The following ASPRV1 variants were observed in gnomAD, a reference collection of about 807,000 sequenced individuals.
ASPRV1 encodes retroviral-like aspartic protease 1.
In ASPRV1, 7 loss-of-function variants were observed where a neutral mutation model predicts 11.0. The observed-to-expected ratio is 0.64, with a 90% CI of 0.36 to 1.20. The LOEUF is 1.20. ASPRV1 is among the 50% of genes most tolerant of loss of function. The pLI, the probability that ASPRV1 is intolerant of heterozygous loss-of-function variation, is 0.02. For synonymous variants in ASPRV1, 136 were observed against 138.4 expected (o/e 0.98, Z 0.12); for missense variants, 299 against 320.0 (o/e 0.93, Z 0.50).
the ASPRV1 span, among the ~76,000 whole-genome samples, chr2:70,078,836 G>T: frequency 1.3e-5 from 2 of 152,172 alleles, no homozygotes; most frequent in African/African-American, 2.4e-5. Context: ...ATACTTAAAA[G>T]GATTATTCTG....
chr2:69,951,594 T>C, the ASPRV1 span, among the ~76,000 whole-genome samples: 1 of 150,652 alleles, frequency 6.6e-6, no homozygotes, highest in Admixed American at 6.6e-5. Context: ...TATAGATAGA[T>C]AGATATGATA....
At chr2:69,935,317 ACT>A in the ASPRV1 span, 2 of 1,519,626 alleles carry the variant, frequency 1.3e-6, no homozygotes, top group Non-Finnish European at 1.8e-6. Context: ...CCACTGTGAA[ACT>A]CTCAAATGCT....
the ASPRV1 span, among the ~76,000 whole-genome samples, chr2:70,047,453 T>TTC: frequency 3.3e-5 from 5 of 152,194 alleles, no homozygotes; most frequent in Non-Finnish European, 7.3e-5. Context: ...AAACTGCCCG[T>TTC]TCTCTGTTCA....
the ASPRV1 span, among the ~76,000 whole-genome samples, chr2:69,982,032 C>CATCT: frequency 9.8e-5 from 13 of 132,790 alleles, no homozygotes; most frequent in Middle Eastern, 3.5e-3. Context: ...CCCTCCCTCT[C>CATCT]ATCTATCCAT....
the ASPRV1 span, among the ~76,000 whole-genome samples, chr2:70,065,594 T>C: frequency 3.3e-5 from 5 of 151,516 alleles, no homozygotes; most frequent in Admixed American, 2.0e-4. Context: ...TCTGAAGAGA[T>C]AGCATTTAAA....
chr2:69,949,450 G>A, the ASPRV1 span, among the ~76,000 whole-genome samples: 27 of 152,102 alleles, frequency 1.8e-4, no homozygotes, highest in African/African-American at 6.0e-4. Flanking sequence ...GATCACCATC[G>A]GAATTGTACA....
the ASPRV1 span, among the ~76,000 whole-genome samples, chr2:70,001,760 C>T: frequency 6.6e-6 from 1 of 151,810 alleles, no homozygotes; most frequent in Admixed American, 6.6e-5. Context: ...AACTCCATCT[C>T]ATAAAAAGAA....
chr2:69,960,593 CA>C lies in ASPRV1; in HGVS notation c.*63del, dbSNP rs557018270. The C allele has an allele frequency of 1.9e-4, 286 of 1,483,918 alleles. No homozygotes were observed. The highest frequency in any genetic ancestry group is 1.8e-3 in the East Asian group (76 of 43,390). 91.9% of individuals were successfully genotyped at this position (1,483,918 alleles called of 1,614,324 possible). ...GCCCAGTGACCCCCATGAGGATATG[CA>C]ACCCCCCCCACAGCGGTGGGTCTTC... On this transcript the variant is annotated 3_prime_UTR_variant, in exon 1 of 1. Coordinates refer to ENST00000320256, the MANE Select transcript of ASPRV1 (RefSeq NM_152792.4).
At chr2:70,060,878 A>C in the ASPRV1 span, among the ~76,000 whole-genome samples, 1 of 152,184 alleles carries the variant, frequency 6.6e-6, no homozygotes, top group African/African-American at 2.4e-5. Flanking sequence ...GAAAATAAAA[A>C]TGTGGATTAG....
the ASPRV1 span, chr2:69,970,827 T>C: frequency 1.3e-5 from 2 of 152,266 alleles, no homozygotes. Context: ...GCTTTGAATA[T>C]CAGGCCTGGC....
chr2:70,043,392 T>C, the ASPRV1 span, among the ~76,000 whole-genome samples: 1 of 151,996 alleles, frequency 6.6e-6, no homozygotes, highest in African/African-American at 2.4e-5. Flanking sequence ...CACTCCAGCC[T>C]GGGTGGCAGA....
chr2:70,075,560 C>A, the ASPRV1 span, among the ~76,000 whole-genome samples: 7 of 152,148 alleles, frequency 4.6e-5, no homozygotes, highest in African/African-American at 1.7e-4. Flanking sequence ...AAATTCTCAA[C>A]GTGTGGCCAG....
the ASPRV1 span, among the ~76,000 whole-genome samples, chr2:69,994,542 C>T: frequency 6.6e-6 from 1 of 152,154 alleles, no homozygotes; most frequent in African/African-American, 2.4e-5. Context: ...GCAGCCTGGG[C>T]TGTGTTTGGA....
the ASPRV1 span, among the ~76,000 whole-genome samples, chr2:69,998,728 CAA>C: frequency 1.6e-3 from 161 of 102,076 alleles, no homozygotes; most frequent in South Asian, 0.011. Flanking sequence ...GACTCCGTCT[CAA>C]AAAAAAAAAA....
chr2:70,054,417 T>C, the ASPRV1 span, among the ~76,000 whole-genome samples: 1 of 151,510 alleles, frequency 6.6e-6, no homozygotes, highest in Non-Finnish European at 1.5e-5. Context: ...CTACTAAAAA[T>C]ACACACAAAA....
At chr2:69,978,501 T>C in the ASPRV1 span, among the ~76,000 whole-genome samples, 2 of 152,206 alleles carry the variant, frequency 1.3e-5, no homozygotes, top group Admixed American at 1.3e-4. Context: ...CAAGCAGTTA[T>C]GCGGATTAAA....
the ASPRV1 span, among the ~76,000 whole-genome samples, chr2:70,062,828 G>C: frequency 1.3e-5 from 2 of 152,136 alleles, no homozygotes; most frequent in African/African-American, 4.8e-5. Context: ...ATGAATTATG[G>C]AATTTGAAGG....
the ASPRV1 span, among the ~76,000 whole-genome samples, chr2:70,039,125 A>G: frequency 6.6e-6 from 1 of 152,022 alleles, no homozygotes; most frequent in Non-Finnish European, 1.5e-5. Flanking sequence ...TGATATGAAT[A>G]ATGACAAATC....
chr2:70,033,067 A>C, the ASPRV1 span, among the ~76,000 whole-genome samples: 1 of 152,074 alleles, frequency 6.6e-6, no homozygotes, highest in Non-Finnish European at 1.5e-5. Flanking sequence ...TCCCTATCCC[A>C]AGTTCTATGA....
Sources: allele counts gnomAD v4.1 joint callset (sites outside exome capture counted in the v4.1 genomes callset), GRCh38; gene constraint gnomAD v4.1.1; transcripts MANE v1.5; gene names NCBI Gene and HGNC (gene_info 2026-07-23, HGNC 2026-07-21).